UST: variants seen among roughly 807,000 people sequenced by gnomAD.
The protein encoded by UST is chondroitin sulfate 2-O-sulfotransferase.
UST carries 21 observed loss-of-function variants against 45.6 expected under a neutral mutation model. That is an observed-to-expected ratio of 0.46 (90% confidence interval 0.33 to 0.66). The LOEUF (loss-of-function observed/expected upper bound fraction) is 0.66. UST is among the 30% of genes least tolerant of loss of function. The pLI is 0.02. For missense variants in UST, 463 were observed against 512.4 expected (o/e 0.90, Z 0.93); for synonymous variants, 215 against 200.6 (o/e 1.07, Z -0.61).
chr6:148,982,781 G>C (rs1338566783), intron 5 of UST, among the ~76,000 whole-genome samples: 1 of 152,126 alleles, frequency 6.6e-6, no homozygotes, highest in Non-Finnish European at 1.5e-5. Context: ...AATCATTACA[G>C]GTAAGTAAAA....
intron 7 of UST, among the ~76,000 whole-genome samples, chr6:149,069,771 A>G (rs182377957): frequency 1.6e-4 from 25 of 152,316 alleles, no homozygotes; most frequent in Non-Finnish European, 3.1e-4. Flanking sequence ...ATATTCCCAA[A>G]GTTTTTCTGG....
At chr6:148,766,997 A>C (rs541612681) in intron 1 of UST, among the ~76,000 whole-genome samples, 1 of 152,236 alleles carries the variant, frequency 6.6e-6, no homozygotes, top group Admixed American at 6.5e-5. Flanking sequence ...TGTGCATGCA[A>C]ATCACTCGAG....
intron 3 of UST, among the ~76,000 whole-genome samples, chr6:148,948,788 A>T (rs1422521882): frequency 6.6e-6 from 1 of 151,992 alleles, no homozygotes; most frequent in Non-Finnish European, 1.5e-5. Context: ...GTGCTAACCA[A>T]TCTGTTCCTT....
intron 1 of UST, among the ~76,000 whole-genome samples, chr6:148,873,434 G>A (rs960195495): frequency 1.3e-5 from 2 of 152,102 alleles, no homozygotes; most frequent in Non-Finnish European, 2.9e-5. Flanking sequence ...CTTTGTCCTC[G>A]ATGGGCGAGG....
At position 148,955,719 on chromosome 6, in the gene UST, T is replaced by C. The variant is rs538750486; in HGVS notation, c.527+1768T>C. ...GAGAAAAGCGCTGCTTCCCTGATCC[T>C]TGCTGTTCTAGCGCGTTTCCTTCTG... On this transcript the variant is annotated intron_variant, in intron 4 of 7. Transcript: ENST00000367463. 9.8e-5 allele frequency: 15 copies of C among 152,392 alleles called. No homozygotes were observed. The East Asian group carries it at 2.9e-3, about 29-fold the overall frequency. 9.4% of individuals were successfully genotyped at this position (152,392 alleles called of 1,614,324 possible). A position where few individuals can be genotyped will look rare whatever the true frequency, so the allele number is the denominator to read the frequency against.
intron 2 of UST, among the ~76,000 whole-genome samples, chr6:148,936,167 G>A (rs1296036126): frequency 1.3e-5 from 2 of 152,128 alleles, no homozygotes; most frequent in East Asian, 3.8e-4. Context: ...GATATTTCTG[G>A]GCTTCAGTTT....
Position 149,075,908 on chromosome 6 carries a change from A to T in UST, c.*1792A>T, listed in dbSNP as rs1055848256. 5 of 152,756 alleles carry T rather than the reference A, an allele frequency of 3.3e-5. No individual in the cohort carries two copies. The highest frequency in any genetic ancestry group is 1.2e-4 in the African/African-American group (5 of 41,554). The allele number at this position is 152,756 out of a possible 1,614,324, so 9.5% of individuals were successfully genotyped here. Reference sequence around the variant, plus strand: ...TCTCTCTAGAATTTTTTCTGCCTTCACTAAAATTGGACTGTAGCCAAGATA... The same window carrying T: ...TCTCTCTAGAATTTTTTCTGCCTTCTCTAAAATTGGACTGTAGCCAAGATA... On this transcript the variant is annotated 3_prime_UTR_variant, in exon 8 of 8. Transcript: ENST00000367463.
chr6:148,986,694 A>G (rs1164558476), intron 5 of UST, among the ~76,000 whole-genome samples: 8 of 152,216 alleles, frequency 5.3e-5, no homozygotes, highest in Non-Finnish European at 2.9e-5. Context: ...TGGCTTCATG[A>G]TTCCCTGACA....
chr6:148,793,121 G>A (rs912787238), intron 1 of UST, among the ~76,000 whole-genome samples: 7 of 152,108 alleles, frequency 4.6e-5, no homozygotes, highest in Non-Finnish European at 7.4e-5. Context: ...AATATTAAGA[G>A]AAACAAGATT....
rs183657721 is a variant in UST at position 148,772,500 on chromosome 6, G to A, written c.247+24823G>A. ...TGCAGTGGCACAATCTTGGCTCACT[G>A]CAACCTCTGCCTCCTGGGTTCAAGC... On this transcript the variant is annotated intron_variant, in intron 1 of 7. Coordinates refer to ENST00000367463, the MANE Select transcript of UST (RefSeq NM_005715.3). Among the ~76,000 whole-genome samples the A allele has an allele frequency of 5.8e-4, 88 of 151,614 alleles. No homozygotes were observed. In the Middle Eastern group the frequency reaches 0.01, roughly 18 times the overall value.
At chr6:148,918,891 G>C (rs1779643685) in intron 2 of UST, among the ~76,000 whole-genome samples, 3 of 152,080 alleles carry the variant, frequency 2.0e-5, no homozygotes, top group Admixed American at 2.0e-4. Flanking sequence ...TAGCCACCTT[G>C]CATCCCTTCT....
At chr6:149,062,121 G>A (rs9498202) in intron 7 of UST, among the ~76,000 whole-genome samples, 2 of 151,992 alleles carry the variant, frequency 1.3e-5, no homozygotes, top group African/African-American at 4.8e-5. Context: ...TCCTTATCAT[G>A]GCATGTCTTA....
chr6:148,867,897 G>T (rs1006462405), intron 1 of UST, among the ~76,000 whole-genome samples: 2 of 152,212 alleles, frequency 1.3e-5, no homozygotes, highest in Non-Finnish European at 2.9e-5. Context: ...GCTTGTTGCT[G>T]TAAGGGATCT....
At chr6:149,034,442 T>G (rs529116364) in intron 7 of UST, among the ~76,000 whole-genome samples, 12 of 147,240 alleles carry the variant, frequency 8.1e-5, no homozygotes, top group African/African-American at 3.1e-4. Flanking sequence ...CTCTTTAAGC[T>G]CCATCGCAGC....
chr6:148,878,914 C>G (rs1316794542), intron 1 of UST, among the ~76,000 whole-genome samples: 1 of 151,928 alleles, frequency 6.6e-6, no homozygotes, highest in African/African-American at 2.4e-5. Context: ...TGGTTTAAGT[C>G]AAGTGGGGCC....
intron 5 of UST, among the ~76,000 whole-genome samples, chr6:148,993,869 G>A (rs1372832198): frequency 6.6e-6 from 1 of 151,156 alleles, no homozygotes; most frequent in Non-Finnish European, 1.5e-5. Flanking sequence ...GCAGATGCCA[G>A]CACCATGCTT....
chr6:148,993,956 C>CTTTTTTTTTTTTTTTTTTTTTTTTT (rs57552256), intron 5 of UST, among the ~76,000 whole-genome samples: 1 of 95,366 alleles, frequency 1.0e-5, no homozygotes, highest in African/African-American at 4.6e-5. Flanking sequence ...TATTTCTTTC[C>CTTTTTTTTTTTTTTTTTTTTTTTTT]TTTTTTTTTT....
At chr6:148,841,255 GTAAT>G (rs1777882492) in intron 1 of UST, among the ~76,000 whole-genome samples, 1 of 152,096 alleles carries the variant, frequency 6.6e-6, no homozygotes, top group Non-Finnish European at 1.5e-5. Context: ...TATGGCATCA[GTAAT>G]TAATTTATAT....
chr6:149,030,675 G>A (rs918140184), intron 7 of UST, among the ~76,000 whole-genome samples: 1 of 150,732 alleles, frequency 6.6e-6, no homozygotes, highest in Admixed American at 6.6e-5. Flanking sequence ...TTTTTCAGCA[G>A]CCATGTCCCA....
Sources: gnomAD v4.1 joint callset for allele counts (sites outside exome capture counted in the v4.1 genomes callset) on GRCh38, gnomAD v4.1.1 for gene constraint, MANE v1.5 for transcripts, NCBI Gene and HGNC (gene_info 2026-07-23, HGNC 2026-07-21) for gene names.